Variants in FAM13A observed in about 807,000 individuals in gnomAD.
FAM13A encodes family with sequence similarity 13 member A.
Under a neutral mutation model 129.6 loss-of-function variants are expected in FAM13A, and 76 were observed. The ratio of observed to expected loss-of-function variants is 0.59; its 90% CI spans 0.49 to 0.71. FAM13A has a LOEUF of 0.71. FAM13A is among the 30% of genes least tolerant of loss of function. The probability of loss-of-function intolerance (pLI) is 0.00; values close to 1 mark genes in which losing one functional copy is unlikely to be tolerated. For synonymous variants in FAM13A, 443 were observed against 449.9 expected, an observed-to-expected ratio of 0.98 and a Z score of 0.20; for missense variants, 1,108 against 1,249.3, an observed-to-expected ratio of 0.89 and a Z score of 1.70.
At chr4:88,968,344 G>C (rs1233621853) in intron 4 of FAM13A, among the ~76,000 whole-genome samples, 1 of 151,964 alleles carries the variant, frequency 6.6e-6, no homozygotes, top group Non-Finnish European at 1.5e-5. Context: ...AAACAATTAG[G>C]GATAAAAGTA....
intron 6 of FAM13A, among the ~76,000 whole-genome samples, chr4:88,890,036 TG>T (rs1428482328): frequency 1.3e-5 from 2 of 152,170 alleles, no homozygotes; most frequent in East Asian, 3.8e-4. Flanking sequence ...CAGGATAATT[TG>T]GTTCTTGGCC....
At chr4:88,797,273 G>T (rs372019241) in intron 8 of FAM13A, among the ~76,000 whole-genome samples, 7 of 143,136 alleles carry the variant, frequency 4.9e-5, no homozygotes, top group African/African-American at 1.3e-4. Context: ...AGTTTTGTGG[G>T]TTTTTTTTTT....
At chr4:88,968,460 T>C (rs778302110) in intron 4 of FAM13A, among the ~76,000 whole-genome samples, 2 of 151,922 alleles carry the variant, frequency 1.3e-5, no homozygotes, top group Admixed American at 6.6e-5. Context: ...TTCTTCGCTA[T>C]GACCGAGAAT....
intron 7 of FAM13A, among the ~76,000 whole-genome samples, chr4:88,829,920 GATAATAAA>G (rs1733603750): frequency 6.6e-6 from 1 of 152,140 alleles, no homozygotes; most frequent in Non-Finnish European, 1.5e-5. Context: ...AGCCCCTCAA[GATAATAAA>G]GTATTATCCT....
rs1764287140 is a variant in FAM13A at position 89,001,808 on chromosome 4, G to A, written c.428-10658C>T. On this transcript the variant is annotated intron_variant, in intron 3 of 23. Coordinates refer to ENST00000264344, the MANE Select transcript of FAM13A (RefSeq NM_014883.4). Reference sequence around the variant, plus strand: ...TCCTCATATAATGAAGAAAGAGAAAGCCCTAAGGCTTAGGTACAAATTAGC... The same window carrying A: ...TCCTCATATAATGAAGAAAGAGAAAACCCTAAGGCTTAGGTACAAATTAGC... Among the ~76,000 whole-genome samples the A allele has an allele frequency of 2.0e-5, 3 of 152,130 alleles. No homozygotes were observed. The South Asian group carries it at 6.2e-4, about 31-fold the overall frequency.
At chr4:88,943,704 G>A (rs932695050) in intron 4 of FAM13A, among the ~76,000 whole-genome samples, 8 of 152,202 alleles carry the variant, frequency 5.3e-5, no homozygotes, top group Admixed American at 2.0e-4. Context: ...ACTGGACTGC[G>A]TGAGAATTTC....
chr4:88,951,593 T>C (rs1281700585), intron 4 of FAM13A, among the ~76,000 whole-genome samples: 1 of 152,180 alleles, frequency 6.6e-6, no homozygotes, highest in Non-Finnish European at 1.5e-5. Flanking sequence ...TTCATTATTT[T>C]CTCCCCTGCA....
intron 15 of FAM13A, 107 bp from the exon 16 acceptor site, chr4:88,750,016 G>A: frequency 1.7e-6 from 2 of 1,173,766 alleles, no homozygotes; most frequent in Non-Finnish European, 2.4e-6. Flanking sequence ...TGGGGTGGGG[G>A]CAGTGCGGAG....
At chr4:88,878,780 T>C (rs1743034286) in intron 6 of FAM13A, among the ~76,000 whole-genome samples, 1 of 152,206 alleles carries the variant, frequency 6.6e-6, no homozygotes, top group South Asian at 2.1e-4. Context: ...CCCAGTAGAC[T>C]GGACATCTGC....
chr4:88,838,543 G>A (rs1735225025), intron 7 of FAM13A, among the ~76,000 whole-genome samples: 2 of 152,034 alleles, frequency 1.3e-5, no homozygotes, highest in African/African-American at 4.8e-5. Context: ...GGAGACCACG[G>A]TGAAATCCCG....
intron 5 of FAM13A, among the ~76,000 whole-genome samples, chr4:88,932,196 C>T (rs913029650): frequency 6.6e-6 from 1 of 152,156 alleles, no homozygotes; most frequent in Admixed American, 6.5e-5. Flanking sequence ...TCTACTTTGC[C>T]TCTAATCAGT....
chr4:88,790,687 A>C, intron 8 of FAM13A, 60 bp from the exon 9 acceptor site: 1 of 1,470,640 alleles, frequency 6.8e-7, no homozygotes, highest in Non-Finnish European at 9.5e-7. Context: ...TGATGAACCA[A>C]ACATGTGAAG....
intron 7 of FAM13A, among the ~76,000 whole-genome samples, chr4:88,838,322 T>C (rs1227985709): frequency 1.2e-4 from 18 of 152,212 alleles, no homozygotes; most frequent in Admixed American, 1.1e-3. Flanking sequence ...AAGCACTGAA[T>C]ATGGAAAAGA....
chr4:88,748,908 C>T (rs1335778647), intron 17 of FAM13A, 44 bp downstream of exon 17: 1 of 1,378,998 alleles, frequency 7.3e-7, no homozygotes, highest in South Asian at 1.2e-5. Flanking sequence ...AGATTCTGCA[C>T]CTGGCTTGTT....
chr4:89,002,752 T>C (rs1764429203), intron 3 of FAM13A, among the ~76,000 whole-genome samples: 1 of 151,922 alleles, frequency 6.6e-6, no homozygotes, highest in Non-Finnish European at 1.5e-5. Flanking sequence ...CATAAACAGA[T>C]AATACAGAGA....
intron 9 of FAM13A, among the ~76,000 whole-genome samples, chr4:88,788,557 T>C (rs1182347793): frequency 6.6e-6 from 1 of 152,114 alleles, no homozygotes; most frequent in African/African-American, 2.4e-5. Context: ...CCAGAACATA[T>C]TACTGAAATT....
At chr4:88,825,264 G>C (rs1259566737) in intron 7 of FAM13A, among the ~76,000 whole-genome samples, 1 of 150,902 alleles carries the variant, frequency 6.6e-6, no homozygotes, top group African/African-American at 2.4e-5. Flanking sequence ...CACCCAGGCT[G>C]GAGTGCAGTG....
intron 6 of FAM13A, among the ~76,000 whole-genome samples, chr4:88,873,922 A>G (rs1334944550): frequency 6.6e-6 from 1 of 152,206 alleles, no homozygotes; most frequent in Admixed American, 6.5e-5. Flanking sequence ...CCAGCAGCAC[A>G]TCAAAAAGCT....
intron 11 of FAM13A, among the ~76,000 whole-genome samples, chr4:88,779,377 A>G (rs1722395371): frequency 6.6e-6 from 1 of 152,206 alleles, no homozygotes; most frequent in Non-Finnish European, 1.5e-5. Flanking sequence ...ACACAACGTA[A>G]CATTCAGGAT....
Sources: allele counts gnomAD v4.1 joint callset (sites outside exome capture counted in the v4.1 genomes callset), GRCh38; gene constraint gnomAD v4.1.1; transcripts MANE v1.5; gene names NCBI Gene and HGNC (gene_info 2026-07-23, HGNC 2026-07-21).